ADAMTS17: variants seen among roughly 807,000 people sequenced by gnomAD.
The protein encoded by ADAMTS17 is ADAM metallopeptidase with thrombospondin type 1 motif 17.
In ADAMTS17, 113 loss-of-function variants were observed where a neutral mutation model predicts 141.5. The ratio of observed to expected loss-of-function variants is 0.80; its 90% CI spans 0.69 to 0.93. The LOEUF is 0.93. ADAMTS17 is among the 40% of genes least tolerant of loss of function. The pLI is 0.00. For synonymous variants in ADAMTS17, 768 were observed against 630.6 expected (o/e 1.22, Z -3.27); for missense variants, 1,659 against 1,517.9 (o/e 1.09, Z -1.54).
At chr15:100,008,387 C>T (rs753302528) in intron 18 of ADAMTS17, among the ~76,000 whole-genome samples, 1 of 152,164 alleles carries the variant, frequency 6.6e-6, no homozygotes, top group Non-Finnish European at 1.5e-5. Flanking sequence ...GCTGCAGACA[C>T]ATGGGAATGG....
chr15:100,110,415 C>A (rs1596461234), intron 13 of ADAMTS17, among the ~76,000 whole-genome samples: 1 of 151,708 alleles, frequency 6.6e-6, no homozygotes, highest in Non-Finnish European at 1.5e-5. Context: ...CAGGCACCCG[C>A]CACCATGCCT....
intron 4 of ADAMTS17, among the ~76,000 whole-genome samples, 195 bp from the exon 5 acceptor site, chr15:100,262,630 T>G (rs974785286): frequency 6.6e-6 from 1 of 152,112 alleles, no homozygotes; most frequent in African/African-American, 2.4e-5. Flanking sequence ...CATTCTAATA[T>G]GAGAGGCTCA....
At chr15:100,096,720 G>GAGA (rs1214585906) in intron 14 of ADAMTS17, among the ~76,000 whole-genome samples, 3 of 152,012 alleles carry the variant, frequency 2.0e-5, no homozygotes, top group African/African-American at 7.3e-5. Context: ...ATTTGTTCTG[G>GAGA]AGGGAGATCC....
At chr15:100,066,272 C>T (rs2033518665) in intron 15 of ADAMTS17, among the ~76,000 whole-genome samples, 1 of 151,394 alleles carries the variant, frequency 6.6e-6, no homozygotes, top group Non-Finnish European at 1.5e-5. Flanking sequence ...TGTTTTTGTG[C>T]ATCTACTGAA....
At chr15:100,223,328 T>C (rs71405367) in intron 7 of ADAMTS17, among the ~76,000 whole-genome samples, 1 of 152,198 alleles carries the variant, frequency 6.6e-6, no homozygotes, top group Non-Finnish European at 1.5e-5. Flanking sequence ...GAAAAAGCAC[T>C]GACTCTTTTT....
chr15:100,243,080 T>TTCA (rs1175189689), intron 7 of ADAMTS17, among the ~76,000 whole-genome samples: 1 of 152,238 alleles, frequency 6.6e-6, no homozygotes, highest in African/African-American at 2.4e-5. Flanking sequence ...TCATTCACTA[T>TTCA]TCATCCTTTT....
chr15:100,027,716 G>A (rs556201924), intron 18 of ADAMTS17, among the ~76,000 whole-genome samples: 9 of 152,220 alleles, frequency 5.9e-5, no homozygotes, highest in Non-Finnish European at 1.2e-4. Context: ...TCCTCAAGAA[G>A]GGCTCATGGA....
chr15:99,987,765 G>C (rs2060619325), intron 20 of ADAMTS17, among the ~76,000 whole-genome samples: 1 of 152,354 alleles, frequency 6.6e-6, no homozygotes, highest in African/African-American at 2.4e-5. Flanking sequence ...AGAGAAGGCA[G>C]AGAGGGAAAA....
chr15:100,090,604 G>T (rs1372928589), intron 15 of ADAMTS17, among the ~76,000 whole-genome samples: 1 of 152,166 alleles, frequency 6.6e-6, no homozygotes, highest in Admixed American at 6.5e-5. Flanking sequence ...GGCAGTTCAG[G>T]GCGGACTCGG....
chr15:100,116,132 TAAAAAAAAAAAA>T (rs34003703), intron 13 of ADAMTS17, among the ~76,000 whole-genome samples: 1 of 84,782 alleles, frequency 1.2e-5, no homozygotes, highest in Non-Finnish European at 2.3e-5. Context: ...CAGTTTTAGG[TAAAAAAAAAAAA>T]AAAAAAAAAA....
Position 100,137,678 on chromosome 15 carries a change from G to A in ADAMTS17, c.1474-4363C>T, listed in dbSNP as rs188594226. Among the ~76,000 whole-genome samples the A allele has an allele frequency of 2.6e-5, 4 of 152,144 alleles. No homozygotes were observed. The East Asian group carries it at 7.7e-4, about 29-fold the overall frequency. On this transcript the variant is annotated intron_variant, in intron 10 of 21. Transcript: ENST00000268070. ...TCACCCCCAAGTAAAGGAAATATTC[G>A]AGGAAGCAAATACAAAACCCATACC...
intron 8 of ADAMTS17, among the ~76,000 whole-genome samples, chr15:100,191,747 G>T (rs1442499097): frequency 1.3e-5 from 2 of 152,200 alleles, no homozygotes; most frequent in African/African-American, 4.8e-5. Flanking sequence ...CTGCTGGGGA[G>T]GGGCCAGAAG....
At chr15:100,031,480 C>T (rs774951334) in intron 18 of ADAMTS17, among the ~76,000 whole-genome samples, 7 of 152,122 alleles carry the variant, frequency 4.6e-5, no homozygotes, top group Non-Finnish European at 8.8e-5. Flanking sequence ...TGGGTAAAGT[C>T]GACCACAGGC....
At chr15:100,194,892 C>T (rs1049026319) in intron 8 of ADAMTS17, among the ~76,000 whole-genome samples, 1 of 152,180 alleles carries the variant, frequency 6.6e-6, no homozygotes, top group African/African-American at 2.4e-5. Flanking sequence ...GCCATCTTCC[C>T]ATGTGCAGGG....
At chr15:100,125,633 C>A (rs909893119) in intron 12 of ADAMTS17, among the ~76,000 whole-genome samples, 1 of 152,096 alleles carries the variant, frequency 6.6e-6, no homozygotes, top group African/African-American at 2.4e-5. Flanking sequence ...CACAAACTGT[C>A]GAGGGGTAAC....
intron 8 of ADAMTS17, among the ~76,000 whole-genome samples, chr15:100,196,267 A>G (rs1274510533): frequency 1.3e-4 from 20 of 152,246 alleles, no homozygotes; most frequent in Non-Finnish European, 2.9e-5. Context: ...CACTAGAAAG[A>G]GAAGAGGGAG....
chr15:100,055,242 A>T, intron 15 of ADAMTS17, among the ~76,000 whole-genome samples: 1 of 152,130 alleles, frequency 6.6e-6, no homozygotes, highest in East Asian at 1.9e-4. Context: ...TACTGCATTG[A>T]CTGTTCTCTG....
intron 13 of ADAMTS17, among the ~76,000 whole-genome samples, chr15:100,116,051 G>A (rs2037094302): frequency 7.0e-6 from 1 of 142,224 alleles, no homozygotes; most frequent in Non-Finnish European, 1.5e-5. Flanking sequence ...CTTGTGTCTT[G>A]TACATGACAT....
intron 15 of ADAMTS17, among the ~76,000 whole-genome samples, chr15:100,081,304 A>G (rs1388613617): frequency 6.6e-6 from 1 of 152,150 alleles, no homozygotes; most frequent in African/African-American, 2.4e-5. Flanking sequence ...CGGACAGCCT[A>G]TTGTGGGATG....
Sources: allele counts gnomAD v4.1 joint callset (sites outside exome capture counted in the v4.1 genomes callset), GRCh38; gene constraint gnomAD v4.1.1; transcripts MANE v1.5; gene names NCBI Gene and HGNC (gene_info 2026-07-23, HGNC 2026-07-21).